Variants in ZNF160 observed in about 807,000 individuals in gnomAD.
ZNF160 encodes the protein KRAB zinc finger protein KR18.
ZNF160 carries 9 observed loss-of-function variants against 13.1 expected under a neutral mutation model. That is an observed-to-expected ratio of 0.69 (90% confidence interval 0.41 to 1.20). ZNF160 has a LOEUF of 1.20. Ranked by LOEUF, ZNF160 falls within the 50% of genes most tolerant of loss-of-function variation. ZNF160 has a pLI of 0.01. For synonymous variants in ZNF160, 293 were observed against 333.2 expected (o/e 0.88, Z 1.31); for missense variants, 838 against 988.0 (o/e 0.85, Z 2.04).
intron 3 of ZNF160, chr19:53,075,786 A>G: frequency 1.9e-6 from 1 of 519,002 alleles, no homozygotes; most frequent in Non-Finnish European, 3.8e-6. Context: ...ACTCAAGCAA[A>G]CTAATCAATT....
intron 1 of ZNF160, among the ~76,000 whole-genome samples, chr19:53,100,897 C>G (rs756479623): frequency 3.1e-4 from 47 of 151,540 alleles, no homozygotes; most frequent in Non-Finnish European, 5.6e-4. Context: ...GCAGGAGAAT[C>G]ACTTGAACCT....
chr19:53,077,759 A>C (rs1271733058), intron 3 of ZNF160, among the ~76,000 whole-genome samples: 2 of 151,306 alleles, frequency 1.3e-5, no homozygotes, highest in African/African-American at 4.8e-5. Context: ...CTAAAGAAGC[A>C]GATATATATA....
intron 3 of ZNF160, among the ~76,000 whole-genome samples, chr19:53,082,065 T>G (rs1600855712): frequency 6.6e-6 from 1 of 152,002 alleles, no homozygotes; most frequent in Non-Finnish European, 1.5e-5. Context: ...AAACACTGGG[T>G]GCACACAAAC....
intron 3 of ZNF160, among the ~76,000 whole-genome samples, chr19:53,078,060 T>G (rs979494042): frequency 2.6e-5 from 4 of 152,064 alleles, no homozygotes; most frequent in African/African-American, 9.7e-5. Flanking sequence ...GCCAACATGA[T>G]GAAACCTCAT....
chr19:53,084,341 A>T (rs1166643793), intron 3 of ZNF160, among the ~76,000 whole-genome samples: 2 of 152,214 alleles, frequency 1.3e-5, no homozygotes, highest in Admixed American at 1.3e-4. Context: ...AAAGCAATGC[A>T]GTACCTTACG....
rs567333382 is a variant in ZNF160, at chr19:53,091,480, G to T, written c.-113C>A. ...AAGAAGAGCTGGGTCCCCTGTAGGC[G>T]GGGCCCGGGGCAGGCGCCTCGTGCA... On this transcript the variant is annotated 5_prime_UTR_variant, in exon 2 of 6. Coordinates refer to ENST00000683776, the MANE Select transcript of ZNF160 (RefSeq NM_001322131.2). The T allele has an allele frequency of 1.3e-5, 2 of 152,280 alleles. No homozygotes were observed. Among genetic ancestry groups the T allele is most frequent in the African/African-American group, 4.8e-5 (2 of 41,424 alleles). The allele number at this position is 152,280 out of a possible 1,614,324, so 9.4% of individuals were successfully genotyped here.
chr19:53,088,287 T>A (rs759002070), intron 2 of ZNF160, among the ~76,000 whole-genome samples: 3 of 152,066 alleles, frequency 2.0e-5, no homozygotes, highest in Non-Finnish European at 4.4e-5. Flanking sequence ...CATTTAGGAA[T>A]TGGGAGGTCA....
intron 3 of ZNF160, chr19:53,075,524 C>T (rs1446346856): frequency 1.4e-5 from 5 of 353,302 alleles, no homozygotes; most frequent in Admixed American, 4.0e-5. Context: ...AAGCCTCTGT[C>T]CTCTCGGGAG....
intron 3 of ZNF160, among the ~76,000 whole-genome samples, chr19:53,082,451 G>A (rs552167211): frequency 8.5e-5 from 13 of 152,266 alleles, no homozygotes; most frequent in African/African-American, 3.1e-4. Flanking sequence ...GGAGGCCAAG[G>A]CAGGAGTACT....
At chr19:53,087,263 A>G (rs1183411546) in intron 2 of ZNF160, among the ~76,000 whole-genome samples, 1 of 152,216 alleles carries the variant, frequency 6.6e-6, no homozygotes, top group Admixed American at 6.5e-5. Flanking sequence ...GGCGTCTGAG[A>G]GGTCCTGAGG....
chr19:53,078,535 G>A (rs2084496957), intron 3 of ZNF160, among the ~76,000 whole-genome samples: 1 of 152,148 alleles, frequency 6.6e-6, no homozygotes, highest in South Asian at 2.1e-4. Context: ...GAACTCAGGA[G>A]GCAGAGGTTG....
Position 53,068,217 on chromosome 19 carries a change from T to C in ZNF160, c.2317A>G (p.Arg773Gly), listed in dbSNP as rs1448985210. The change falls in exon 6 of 6, where the codon AGA becomes GGA. Residue 773 changes from arginine to glycine, a missense_variant. By Grantham distance (125) the Arg-to-Gly change is moderately radical. This residue lies in a region of ZNF160 where 400 missense variants were observed against 538.9 expected (regional missense o/e 0.74). Coordinates refer to ENST00000683776, the MANE Select transcript of ZNF160 (RefSeq NM_001322131.2). ...GCCATATGGGTAGTTAGACTTGATC[T>C]TACCCTAAAGGCTTTCCCACACTCT... ...CTECGKAFRV[R>G]SSLTTHMAIH... 3 of 1,614,074 alleles carry C rather than the reference T, an allele frequency of 1.9e-6. No individual in the cohort carries two copies. In the African/African-American group the frequency reaches 4.0e-5, roughly 22 times the overall value.
intron 2 of ZNF160, among the ~76,000 whole-genome samples, chr19:53,089,918 C>A (rs7259250): frequency 0.88 from 131,553 of 149,662 alleles, 57,899 homozygotes; most frequent in Middle Eastern, 0.93. Context: ...CTTCTCTTCC[C>A]CCTGTTCTGC....
At chr19:53,085,921 TATC>T in intron 3 of ZNF160, 1 of 954,260 alleles carries the variant, frequency 1.0e-6, no homozygotes, top group Non-Finnish European at 1.6e-6. Flanking sequence ...CAGCTTCTGT[TATC>T]ATGGTTTACA....
chr19:53,068,519 G>A lies in ZNF160; in HGVS notation c.2015C>T (p.Thr672Ile). Residue 672 changes from threonine to isoleucine, a missense_variant, in exon 6 of 6, where the codon ACT becomes ATT. Thr to Ile is a moderately conservative substitution (Grantham distance 89, BLOSUM62 -1). This residue lies in a region of ZNF160 where 400 missense variants were observed against 538.9 expected (regional missense o/e 0.74). Coordinates refer to ENST00000683776, the MANE Select transcript of ZNF160 (RefSeq NM_001322131.2). Reference sequence around the variant, plus strand: ...ATTACATTTGTAAGGCTTCTCTCCAGTATGGATGACCTTATGGGTAGTTAG... The same window carrying A: ...ATTACATTTGTAAGGCTTCTCTCCAATATGGATGACCTTATGGGTAGTTAG... The part of the protein sequence containing the change: ...SNLTTHKVIH[T>I]GEKPYKCNQC... 2 of 1,613,836 alleles carry A rather than the reference G, an allele frequency of 1.2e-6. No homozygotes were observed. The highest frequency in any genetic ancestry group is 1.7e-6 in the Non-Finnish European group (2 of 1,179,826).
In ZNF160 at chr19:53,074,160, C is replaced by T; in HGVS notation, c.251G>A (p.Cys84Tyr). The change falls in exon 5 of 6, where the codon TGT becomes TAT. Residue 84 changes from cysteine to tyrosine, a missense_variant. By Grantham distance (194) the Cys-to-Tyr change is radical. This residue lies in a region of ZNF160 where 387 missense variants were observed against 402.3 expected (regional missense o/e 0.96). Coordinates refer to ENST00000683776, the MANE Select transcript of ZNF160 (RefSeq NM_001322131.2). Reference sequence around the variant, plus strand: ...CTTACCTGTGACCACGCCTTTGACACATTCCGGCGTTCTTGGTTTTCTTGC... The same window carrying T: ...CTTACCTGTGACCACGCCTTTGACATATTCCGGCGTTCTTGGTTTTCTTGC... ...KIARKPRTPECVKGVVTDIPP... is the reference protein window; with the variant it reads ...KIARKPRTPEYVKGVVTDIPP... The T allele has an allele frequency of 6.2e-7, 1 of 1,614,042 alleles. No homozygotes were observed. The highest frequency in any genetic ancestry group is 8.5e-7 in the Non-Finnish European group (1 of 1,179,984).
chr19:53,089,949 C>T (rs528889733), intron 2 of ZNF160, among the ~76,000 whole-genome samples: 162 of 152,076 alleles, frequency 1.1e-3, no homozygotes, highest in African/African-American at 3.2e-3. Context: ...CAACTTCTTC[C>T]ACCTCTTATT....
intron 2 of ZNF160, among the ~76,000 whole-genome samples, chr19:53,088,556 G>A (rs777353398): frequency 6.6e-6 from 1 of 151,706 alleles, no homozygotes; most frequent in Non-Finnish European, 1.5e-5. Context: ...AGTAAAACTA[G>A]TTTTTAGAAT....
At chr19:53,099,098 GACACAAAAC>G (rs1271755835) in intron 1 of ZNF160, among the ~76,000 whole-genome samples, 29 of 149,632 alleles carry the variant, frequency 1.9e-4, no homozygotes, top group Middle Eastern at 3.4e-3. Context: ...CCAAGATGGA[GACACAAAAC>G]ACTCAAAATA....
Sources: allele counts gnomAD v4.1 joint callset (sites outside exome capture counted in the v4.1 genomes callset), GRCh38; gene constraint gnomAD v4.1.1; regional missense constraint gnomAD v4.1.1; transcripts MANE v1.5; gene names NCBI Gene and HGNC (gene_info 2026-07-23, HGNC 2026-07-21).